Variants in PTGER4 observed in about 807,000 individuals in gnomAD.
The protein encoded by PTGER4 is prostaglandin E receptor 4.
PTGER4 carries 11 observed loss-of-function variants against 33.2 expected under a neutral mutation model. That is an observed-to-expected ratio of 0.33 (90% CI 0.21 to 0.55). The LOEUF is 0.55. Among genes scored for constraint, PTGER4 ranks in the 20% least tolerant of loss-of-function variants. PTGER4 has a pLI of 0.92. For missense variants in PTGER4, 481 were observed against 650.2 expected (o/e 0.74, Z 2.83); for synonymous variants, 275 against 281.5 (o/e 0.98, Z 0.23).
rs569333729 is a variant in PTGER4, at chr5:40,691,432, G to A, written c.868-347G>A. Reference sequence around the variant, plus strand: ...CTTGACCTAGTGATCCGCCTACCTCGGCCTACCAAAATGCTGGGATTACAG... The same window carrying A: ...CTTGACCTAGTGATCCGCCTACCTCAGCCTACCAAAATGCTGGGATTACAG... On this transcript the variant is annotated intron_variant, in intron 2 of 2. Transcript: ENST00000302472. This position sits in a 1 kb window ranked among gnomAD's most constrained non-coding sequence, Gnocchi z 4.2. 2.6e-4 allele frequency among the ~76,000 whole-genome samples: 39 copies of A among 152,186 alleles called. No individual in the cohort carries two copies. The highest frequency in any genetic ancestry group is 1.3e-3 in the Admixed American group (20 of 15,284).
At chr5:40,724,753 T>C in the PTGER4 span, among the ~76,000 whole-genome samples, 2 of 152,186 alleles carry the variant, frequency 1.3e-5, no homozygotes, top group African/African-American at 4.8e-5. Context: ...TTATAAAGAC[T>C]ATAATTCAAG....
At chr5:40,696,951 AG>A (rs1741593822), downstream of PTGER4, among the ~76,000 whole-genome samples, 1 of 109,720 alleles carries the variant, frequency 9.1e-6, no homozygotes, top group Non-Finnish European at 1.9e-5. Flanking sequence ...AGAAGGAAAG[AG>A]AGAAAGAGAG....
the PTGER4 span, among the ~76,000 whole-genome samples, chr5:40,737,015 G>A: frequency 6.6e-6 from 1 of 152,134 alleles, no homozygotes; most frequent in African/African-American, 2.4e-5. Context: ...GCCACTCAAG[G>A]TTGAGCATGG....
downstream of PTGER4, among the ~76,000 whole-genome samples, chr5:40,696,962 G>C: frequency 1.2e-5 from 1 of 80,924 alleles, no homozygotes; most frequent in South Asian, 4.3e-4. Flanking sequence ...GAGAAAGAGA[G>C]AAAGAAAGAG....
intron 2 of PTGER4, chr5:40,685,526 A>C: frequency 2.1e-6 from 2 of 948,426 alleles, no homozygotes; most frequent in Non-Finnish European, 2.5e-6. Flanking sequence ...TTGTTCAAAT[A>C]AATTTGGCTA....
Position 40,692,938 on chromosome 5 carries a change from T to C in PTGER4, c.*560T>C. On this transcript the variant is annotated 3_prime_UTR_variant, in exon 3 of 3. Coordinates refer to ENST00000302472, the MANE Select transcript of PTGER4 (RefSeq NM_000958.3). ...CTCCTTCCAGTATAACCAGCTGAAGTTGCAGATGTTAGATATTTTTCATAA... is the reference window on the plus strand; with the variant it reads ...CTCCTTCCAGTATAACCAGCTGAAGCTGCAGATGTTAGATATTTTTCATAA... 1 of 971,662 alleles carries C rather than the reference T, an allele frequency of 1.0e-6. No homozygotes were observed. The highest frequency in any genetic ancestry group is 1.1e-4 in the East Asian group (1 of 8,792). The allele number at this position is 971,662 out of a possible 1,614,324, so 60.2% of individuals were successfully genotyped here.
At chr5:40,732,773 T>A in the PTGER4 span, among the ~76,000 whole-genome samples, 2 of 152,118 alleles carry the variant, frequency 1.3e-5, no homozygotes, top group Non-Finnish European at 2.9e-5. Flanking sequence ...CACACCTGGC[T>A]AATTTTTGTT....
chr5:40,682,546 A>G (rs1410430186), intron 2 of PTGER4, among the ~76,000 whole-genome samples: 1 of 152,162 alleles, frequency 6.6e-6, no homozygotes, highest in African/African-American at 2.4e-5. Context: ...CACAAATTCT[A>G]ATTCATATAC....
Position 40,681,148 on chromosome 5 carries a change from C to T in PTGER4, c.155C>T (p.Thr52Met). The T allele has an allele frequency of 6.2e-7, 1 of 1,614,148 alleles. No individual in the cohort carries two copies. Among genetic ancestry groups the T allele is most frequent in the Non-Finnish European group, 8.5e-7 (1 of 1,180,036 alleles). Reference sequence around the variant, plus strand: ...AAGTCGCGCAAGGAGCAGAAGGAGACGACCTTCTACACGCTGGTATGTGGG... The same window carrying T: ...AAGTCGCGCAAGGAGCAGAAGGAGATGACCTTCTACACGCTGGTATGTGGG... ...LCKSRKEQKE[T>M]TFYTLVCGLA... is the part of the protein sequence containing the mutation. Residue 52 changes from threonine (T) to methionine (M), a missense_variant, in exon 2 of 3, where the codon ACG becomes ATG. Transcript: ENST00000302472. The surrounding 1 kb of genome is among the most constrained non-coding windows in gnomAD (Gnocchi z 9.8).
At chr5:40,695,207 C>T (rs184308215), downstream of PTGER4, among the ~76,000 whole-genome samples, 567 of 152,146 alleles carry the variant, frequency 3.7e-3, 4 homozygotes, top group Middle Eastern at 6.8e-3. Flanking sequence ...GTCAAGAGTT[C>T]GAGACCAGGA....
chr5:40,738,547 T>TACAATAAAATAAAATAAAATAAAATAA, the PTGER4 span, among the ~76,000 whole-genome samples: 1 of 125,138 alleles, frequency 8.0e-6, no homozygotes, highest in African/African-American at 3.0e-5. Context: ...TACAATAAAA[T>TACAATAAAATAAAATAAAATAAAATAA]AAAATAAAAT....
intron 2 of PTGER4, among the ~76,000 whole-genome samples, chr5:40,688,988 C>T (rs961696596): frequency 2.6e-5 from 4 of 152,028 alleles, no homozygotes; most frequent in Admixed American, 2.6e-4. Context: ...AAAATATTTA[C>T]GGGCAGATGA....
rs1187643535 is a variant in PTGER4 at position 40,692,475 on chromosome 5, A to G, written c.*97A>G. On this transcript the variant is annotated 3_prime_UTR_variant, in exon 3 of 3. Transcript: ENST00000302472. Reference sequence around the variant, plus strand: ...ACATTTAGCTGTGCTCAGAAGGGCTATCATCATCCTACAACTCACATTAGA... The same window carrying G: ...ACATTTAGCTGTGCTCAGAAGGGCTGTCATCATCCTACAACTCACATTAGA... 18 of 1,496,300 alleles carry G rather than the reference A, an allele frequency of 1.2e-5. No individual in the cohort carries two copies. In the East Asian group the frequency reaches 3.6e-4, roughly 30 times the overall value. 92.7% of individuals were successfully genotyped at this position (1,496,300 alleles called of 1,614,324 possible).
At chr5:40,744,811 T>C in the PTGER4 span, among the ~76,000 whole-genome samples, 5 of 152,228 alleles carry the variant, frequency 3.3e-5, no homozygotes, top group Admixed American at 6.5e-5. Context: ...TATAAAAATA[T>C]GGCTCTCAAC....
the PTGER4 span, among the ~76,000 whole-genome samples, chr5:40,727,333 T>C: frequency 1.3e-5 from 2 of 152,214 alleles, no homozygotes; most frequent in Admixed American, 6.5e-5. Context: ...CACTGTATAT[T>C]AGATTTGCAA....
chr5:40,709,161 T>A, the PTGER4 span, among the ~76,000 whole-genome samples: 1 of 152,148 alleles, frequency 6.6e-6, no homozygotes, highest in Admixed American at 6.5e-5. Context: ...CTATTCAACA[T>A]AGCGTTGGAA....
chr5:40,697,667 G>C (rs1038825476), downstream of PTGER4, among the ~76,000 whole-genome samples: 1 of 132,710 alleles, frequency 7.5e-6, no homozygotes, highest in African/African-American at 2.8e-5. Flanking sequence ...CAAAGGGAGT[G>C]TTATAGTTCT....
chr5:40,692,713 C>T lies in PTGER4; in HGVS notation c.*335C>T, dbSNP rs1008377180. On this transcript the variant is annotated 3_prime_UTR_variant, in exon 3 of 3. Transcript: ENST00000302472. ...ATCCAGAGCTTTGTCGTATTTGGCA[C>T]ACAGCAGAGGCCCAGATATTAGAAA... 19 of 1,049,748 alleles carry T rather than the reference C, an allele frequency of 1.8e-5. No individual in the cohort carries two copies. The highest frequency in any genetic ancestry group is 2.0e-5 in the Non-Finnish European group (17 of 870,190). The allele number at this position is 1,049,748 out of a possible 1,614,324, so 65.0% of individuals were successfully genotyped here.
At chr5:40,733,475 A>C in the PTGER4 span, among the ~76,000 whole-genome samples, 369 of 152,336 alleles carry the variant, frequency 2.4e-3, no homozygotes, top group African/African-American at 8.5e-3. Context: ...TTATAAATAA[A>C]GTTTGCCAAC....
Sources: gnomAD v4.1 joint callset for allele counts (sites outside exome capture counted in the v4.1 genomes callset) on GRCh38, gnomAD v4.1.1 for gene constraint, Gnocchi (gnomAD v3.1) non-coding constraint, MANE v1.5 for transcripts, NCBI Gene and HGNC (gene_info 2026-07-23, HGNC 2026-07-21) for gene names.